The following FBRSL1 variants were observed in gnomAD, a reference collection of about 807,000 sequenced individuals.
FBRSL1 encodes fibrosin-1-like protein.
In FBRSL1, 51 loss-of-function variants were observed where a neutral mutation model predicts 89.6. The ratio of observed to expected loss-of-function variants is 0.57; its 90% CI spans 0.45 to 0.72. The LOEUF is 0.72. Ranked by LOEUF, FBRSL1 falls within the 30% of genes least tolerant of loss-of-function variation. The pLI, the probability that FBRSL1 is intolerant of heterozygous loss-of-function variation, is 0.00. For missense variants in FBRSL1, 1,618 were observed against 1,451.8 expected, an observed-to-expected ratio of 1.11 and a Z score of -1.86; for synonymous variants, 779 against 681.1, an observed-to-expected ratio of 1.14 and a Z score of -2.24.
rs1439725000 is a variant in FBRSL1, at chr12:132,584,008, C to CA, written c.*231dup. The CA allele has an allele frequency of 1.6e-5, 4 of 247,186 alleles. No individual in the cohort carries two copies. The highest frequency in any genetic ancestry group is 5.6e-5 in the Admixed American group (1 of 17,798). The allele number at this position is 247,186 out of a possible 1,614,324, so 15.3% of individuals were successfully genotyped here. On this transcript the variant is annotated 3_prime_UTR_variant, in exon 19 of 19. Coordinates refer to ENST00000680143, the MANE Select transcript of FBRSL1 (RefSeq NM_001367871.1). ...AAATCGCGTTTGTACCTTTTCCCCCCACAGATGAGAAGTGTTTGTAATGGA... is the reference window on the plus strand; with the variant it reads ...AAATCGCGTTTGTACCTTTTCCCCCCAACAGATGAGAAGTGTTTGTAATGGA...
chr12:132,572,108 C>CT (rs975803227), intron 9 of FBRSL1, 180 bp from the exon 10 acceptor site: 1 of 605,706 alleles, frequency 1.7e-6, no homozygotes, highest in Non-Finnish European at 2.9e-6. Context: ...TGGTCTGAGA[C>CT]TGAGTTCAGA....
At chr12:132,520,246 T>G (rs2136825233) in intron 2 of FBRSL1, among the ~76,000 whole-genome samples, 1 of 151,814 alleles carries the variant, frequency 6.6e-6, no homozygotes, top group African/African-American at 2.4e-5. Flanking sequence ...GCAACCCTCC[T>G]TGCACACCTC....
At chr12:132,494,712 G>A (rs1363115699) in intron 1 of FBRSL1, among the ~76,000 whole-genome samples, 2 of 152,210 alleles carry the variant, frequency 1.3e-5, no homozygotes, top group Non-Finnish European at 2.9e-5. Flanking sequence ...TGGTCCACAC[G>A]TCAAGCTCCA....
In FBRSL1 at chr12:132,584,477, T is replaced by G. The variant is rs575969966; in HGVS notation, c.*699T>G. 26 of 152,346 alleles carry G rather than the reference T, an allele frequency of 1.7e-4. No homozygotes were observed. Among genetic ancestry groups the G allele is most frequent in the Non-Finnish European group, 3.4e-4 (23 of 68,034 alleles). 9.4% of individuals were successfully genotyped at this position (152,346 alleles called of 1,614,324 possible). A position where few individuals can be genotyped will look rare whatever the true frequency, so the allele number is the denominator to read the frequency against. Reference sequence around the variant, plus strand: ...CCCTCTGGTTGTTTGTCTAACATGGTCACAAAAACCCAGGCGCTGCTGGCT... The same window carrying G: ...CCCTCTGGTTGTTTGTCTAACATGGGCACAAAAACCCAGGCGCTGCTGGCT... On this transcript the variant is annotated 3_prime_UTR_variant, in exon 19 of 19. Coordinates refer to ENST00000680143, the MANE Select transcript of FBRSL1 (RefSeq NM_001367871.1).
At chr12:132,526,638 C>T (rs909857200) in intron 3 of FBRSL1, among the ~76,000 whole-genome samples, 2 of 152,192 alleles carry the variant, frequency 1.3e-5, no homozygotes, top group African/African-American at 2.4e-5. Flanking sequence ...CTCCCTGACT[C>T]TGCAGTGGGG....
In FBRSL1 at chr12:132,564,147, C is replaced by T. The variant is rs1006431418; in HGVS notation, c.646-3334C>T. Reference sequence around the variant, plus strand: ...TATGTGGCTGAGGCAGACGCGCTCACTGTTGATCCGTCTGCCAGTTGCTGG... The same window carrying T: ...TATGTGGCTGAGGCAGACGCGCTCATTGTTGATCCGTCTGCCAGTTGCTGG... On this transcript the variant is annotated intron_variant, in intron 5 of 18. Transcript: ENST00000680143. 1.2e-4 allele frequency among the ~76,000 whole-genome samples: 19 copies of T among 152,346 alleles called. 2 individuals carry two copies. The highest frequency in any genetic ancestry group is 4.1e-4 in the African/African-American group (17 of 41,580).
chr12:132,523,805 C>T (rs1031520736), intron 2 of FBRSL1, among the ~76,000 whole-genome samples: 4 of 152,150 alleles, frequency 2.6e-5, no homozygotes, highest in Non-Finnish European at 4.4e-5. Flanking sequence ...CTCTGGGAGA[C>T]GATGATGCAT....
At chr12:132,529,732 A>ACCACCCTGGGCTCCTCTCTG (rs1555271992) in intron 4 of FBRSL1, among the ~76,000 whole-genome samples, 13 of 142,264 alleles carry the variant, frequency 9.1e-5, no homozygotes, top group African/African-American at 3.2e-4. Flanking sequence ...CCTGGGCTCT[A>ACCACCCTGGGCTCCTCTCTG]CCACCCTGGG....
At chr12:132,529,311 C>T (rs577470193) in intron 4 of FBRSL1, among the ~76,000 whole-genome samples, 83 of 152,358 alleles carry the variant, frequency 5.4e-4, no homozygotes, top group Non-Finnish European at 8.8e-4. Flanking sequence ...CCCACAGCTT[C>T]TGCTGGTGGC....
intron 5 of FBRSL1, among the ~76,000 whole-genome samples, chr12:132,558,662 G>A (rs1204423222): frequency 1.3e-5 from 2 of 152,244 alleles, no homozygotes; most frequent in East Asian, 1.9e-4. Flanking sequence ...GAACGTTGGC[G>A]CCTTTGGGAG....
chr12:132,542,808 G>A (rs1034213235), intron 4 of FBRSL1, among the ~76,000 whole-genome samples: 1 of 152,236 alleles, frequency 6.6e-6, no homozygotes, highest in Non-Finnish European at 1.5e-5. Context: ...TCATGCCTTT[G>A]TTTGAGCAGT....
rs1175910268 is a variant in FBRSL1, at chr12:132,571,539, G to T, written c.1377+308G>T. ...CACCCCCGCCGGTGCGTAGGCCCGCGTGCTGGCAGGGGGCGGGGGCGGGCG... is the reference window on the plus strand; with the variant it reads ...CACCCCCGCCGGTGCGTAGGCCCGCTTGCTGGCAGGGGGCGGGGGCGGGCG... On this transcript the variant is annotated intron_variant, in intron 9 of 18. Transcript: ENST00000680143. 2.1e-6 allele frequency: 3 copies of T among 1,462,136 alleles called. No individual in the cohort carries two copies. In the South Asian group the frequency reaches 4.2e-5, roughly 20 times the overall value. The allele number at this position is 1,462,136 out of a possible 1,614,324, so 90.6% of individuals were successfully genotyped here. A position where few individuals can be genotyped will look rare whatever the true frequency, so the allele number is the denominator to read the frequency against.
chr12:132,569,816 C>T (rs1031723897), intron 6 of FBRSL1, 110 bp from the exon 7 acceptor site: 14 of 801,862 alleles, frequency 1.7e-5, no homozygotes, highest in Admixed American at 1.3e-4. Context: ...GGGGCATAGC[C>T]GGAGCCCAGA....
chr12:132,570,295 A>G (rs889282518), intron 7 of FBRSL1, 40 bp from the exon 8 acceptor site: 2 of 1,515,650 alleles, frequency 1.3e-6, no homozygotes, highest in Admixed American at 2.0e-5. Flanking sequence ...GGGGCTCTGC[A>G]GGGGTCGGGC....
At chr12:132,521,155 C>T (rs984558056) in intron 2 of FBRSL1, among the ~76,000 whole-genome samples, 10 of 152,186 alleles carry the variant, frequency 6.6e-5, no homozygotes, top group African/African-American at 1.9e-4. Context: ...GAAAGCTCCC[C>T]GAGGGAGCAC....
At chr12:132,581,402 T>C in intron 15 of FBRSL1, 37 bp from the exon 16 acceptor site, 1 of 1,550,662 alleles carries the variant, frequency 6.4e-7, no homozygotes, top group Non-Finnish European at 8.7e-7. Context: ...CCTGGTGCTC[T>C]CTCCTGGCTT....
At position 132,490,746 on chromosome 12, in the gene FBRSL1, C is replaced by T. The variant is rs986236119; in HGVS notation, c.176C>T (p.Pro59Leu). The change falls in exon 1 of 19, where the codon CCC becomes CTC. Residue 59 changes from proline to leucine, a missense_variant. Pro to Leu is a moderately conservative substitution (Grantham distance 98). Transcript: ENST00000680143. ...LRGAPPRGAAPAPRTARPPRR... is the reference protein window; with the variant it reads ...LRGAPPRGAALAPRTARPPRR... ...GGCGCGCCCCCCCGAGGCGCCGCCC[C>T]CGCGCCCCGCACCGCGCGTCCCCCG... is the stretch of plus-strand genomic sequence containing the variant. The T allele has an allele frequency of 9.6e-7, 1 of 1,039,086 alleles. No homozygotes were observed. The highest frequency in any genetic ancestry group is 1.7e-5 in the African/African-American group (1 of 57,730). The allele number at this position is 1,039,086 out of a possible 1,614,324, so 64.4% of individuals were successfully genotyped here. A position where few individuals can be genotyped will look rare whatever the true frequency, so the allele number is the denominator to read the frequency against.
intron 2 of FBRSL1, chr12:132,509,440 A>T: frequency 6.5e-6 from 8 of 1,239,754 alleles, no homozygotes; most frequent in Non-Finnish European, 8.0e-6. Flanking sequence ...TGCCGGCCCC[A>T]GCGGCTCCTT....
At chr12:132,549,612 G>T (rs1227298775) in intron 5 of FBRSL1, among the ~76,000 whole-genome samples, 9 of 152,212 alleles carry the variant, frequency 5.9e-5, no homozygotes, top group Non-Finnish European at 1.3e-4. Context: ...TCGGGAGCCT[G>T]GGGCCTACTG....
Sources: allele counts gnomAD v4.1 joint callset (sites outside exome capture counted in the v4.1 genomes callset), GRCh38; gene constraint gnomAD v4.1.1; transcripts MANE v1.5; gene names NCBI Gene and HGNC (gene_info 2026-07-23, HGNC 2026-07-21).